The following SETX variants were observed in gnomAD, a reference collection of about 807,000 sequenced individuals.
SETX encodes the protein helicase senataxin.
SETX carries 90 observed loss-of-function variants against 227.2 expected under a neutral mutation model. That is an observed-to-expected ratio of 0.40 (90% CI 0.33 to 0.47). SETX has a LOEUF of 0.47. Among genes scored for constraint, SETX ranks in the 20% least tolerant of loss-of-function variants. The pLI is 0.91. For missense variants in SETX, 3,052 were observed against 3,181.5 expected, an observed-to-expected ratio of 0.96 and a Z score of 0.98; for synonymous variants, 1,210 against 1,113.2, an observed-to-expected ratio of 1.09 and a Z score of -1.73.
intron 5 of SETX, among the ~76,000 whole-genome samples, chr9:132,341,625 A>G (rs1847970772): frequency 6.6e-6 from 1 of 152,210 alleles, no homozygotes; most frequent in South Asian, 2.1e-4. Flanking sequence ...CACTGGTTAC[A>G]AGACCAGACC....
chr9:132,314,161 C>T (rs1033936629), intron 10 of SETX, among the ~76,000 whole-genome samples: 2 of 152,084 alleles, frequency 1.3e-5, no homozygotes, highest in African/African-American at 4.8e-5. Flanking sequence ...GGTGCGATCT[C>T]GGCTCACCAC....
intron 10 of SETX, 98 bp from the exon 11 acceptor site, chr9:132,311,954 G>T: frequency 1.0e-6 from 1 of 967,194 alleles, no homozygotes; most frequent in Non-Finnish European, 1.6e-6. Context: ...AAATCCAGAA[G>T]CTAGAATCTA....
chr9:132,335,234 CA>C (rs1310251393), intron 6 of SETX, among the ~76,000 whole-genome samples: 288 of 150,954 alleles, frequency 1.9e-3, no homozygotes, highest in South Asian at 4.4e-3. Flanking sequence ...ACTAAAAATA[CA>C]AAAAAATTAG....
Position 132,328,793 on chromosome 9 carries a change from A to G in SETX, c.2805T>C (p.Tyr935=). 2 of 1,611,182 alleles carry G rather than the reference A, an allele frequency of 1.2e-6. No individual in the cohort carries two copies. The highest frequency in any genetic ancestry group is 1.7e-6 in the Non-Finnish European group (2 of 1,178,876). ...GGGCCTGTTCTCTTGTCAAGTTAGA[A>G]TAAATCACACTGGTACTATTACTCA... ...EEMSNSTSVI[Y]SNLTREQAPD... Residue 935 remains tyrosine, a synonymous_variant, in exon 10 of 26, where the codon TAT becomes TAC. Coordinates refer to ENST00000224140, the MANE Select transcript of SETX (RefSeq NM_015046.7).
intron 2 of SETX, among the ~76,000 whole-genome samples, chr9:132,349,959 G>A (rs1444174568): frequency 6.6e-6 from 1 of 152,140 alleles, no homozygotes; most frequent in Non-Finnish European, 1.5e-5. Context: ...TACATAAAGA[G>A]AGACACAATA....
chr9:132,331,245 G>C, intron 8 of SETX, 32 bp downstream of exon 8: 1 of 1,612,634 alleles, frequency 6.2e-7, no homozygotes, highest in African/African-American at 1.3e-5. Flanking sequence ...TTATAGAGAT[G>C]ATGTTTAAAT....
intron 18 of SETX, among the ~76,000 whole-genome samples, chr9:132,285,314 A>ATTT (rs1564488310): frequency 6.6e-6 from 1 of 152,262 alleles, no homozygotes; most frequent in Admixed American, 6.5e-5. Flanking sequence ...GATAACTTAT[A>ATTT]ACCACCTCTT....
At position 132,264,194 on chromosome 9, in the gene SETX, A is replaced by C; in HGVS notation, c.*45T>G. On this transcript the variant is annotated 3_prime_UTR_variant, in exon 26 of 26. Transcript: ENST00000224140. Reference sequence around the variant, plus strand: ...ATGGTCCCACGAGCTGGTCATCTTCAGTTTACAATATGCTGTGGCTGCTGG... The same window carrying C: ...ATGGTCCCACGAGCTGGTCATCTTCCGTTTACAATATGCTGTGGCTGCTGG... 6.2e-7 allele frequency: 1 copy of C among 1,612,404 alleles called. No individual in the cohort carries two copies. Among genetic ancestry groups the C allele is most frequent in the Non-Finnish European group, 8.5e-7 (1 of 1,179,960 alleles).
chr9:132,346,301 T>C lies in SETX; in HGVS notation c.348A>G (p.Glu116=). 6.2e-7 allele frequency: 1 copy of C among 1,614,076 alleles called. No individual in the cohort carries two copies. The highest frequency in any genetic ancestry group is 8.5e-7 in the Non-Finnish European group (1 of 1,179,988). ...GAAGCAAGTAAGGATATTTCAGTAT[T>C]TCAAGAAGAGGAACTCGAAGCTTAT... ...FENKLRVPLL[E]ILKYPYLLLH... Residue 116 remains glutamate (E), a synonymous_variant, in exon 4 of 26, where the codon GAA becomes GAG. Coordinates refer to ENST00000224140, the MANE Select transcript of SETX (RefSeq NM_015046.7).
chr9:132,349,313 T>C lies in SETX; in HGVS notation c.116A>G (p.Tyr39Cys). 1.9e-6 allele frequency: 3 copies of C among 1,614,094 alleles called. No individual in the cohort carries two copies. The highest frequency in any genetic ancestry group is 1.7e-6 in the Non-Finnish European group (2 of 1,180,020). ...GTACTCAGCCACACACTCCAAGCAG[T>C]AGCAGAGGTCTTCGTCGGCTGTTTG... The part of the protein sequence containing the change: ...EFQTADEDLC[Y>C]CLECVAEYHK... The change falls in exon 3 of 26, where the codon TAC (tyrosine) becomes TGC (cysteine). Residue 39 changes from tyrosine (Y) to cysteine (C), a missense_variant. This residue lies in a region of SETX where 152 missense variants were observed against 156.2 expected (regional missense o/e 0.97). Transcript: ENST00000224140.
chr9:132,286,399 A>T, intron 18 of SETX, 24 bp downstream of exon 18: 1 of 1,552,040 alleles, frequency 6.4e-7, no homozygotes, highest in Non-Finnish European at 8.8e-7. Flanking sequence ...AAAATCAAGA[A>T]AATGCTACAG....
In SETX at chr9:132,296,042, C is replaced by A. The variant is rs375632375; in HGVS notation, c.5950-14G>T. 1 of 1,614,044 alleles carries A rather than the reference C, an allele frequency of 6.2e-7. No individual in the cohort carries two copies. Among genetic ancestry groups the A allele is most frequent in the Non-Finnish European group, 8.5e-7 (1 of 1,180,034 alleles). On this transcript the variant is annotated splice_polypyrimidine_tract_variant and intron_variant, in intron 14 of 25. Transcript: ENST00000224140. ...CTTCCTCTGGTTCTACAATTTGCCA[C>A]ATATACATACCAAACAAACACACAA...
chr9:132,319,580 T>C (rs949809733), intron 10 of SETX, among the ~76,000 whole-genome samples: 1 of 152,214 alleles, frequency 6.6e-6, no homozygotes, highest in African/African-American at 2.4e-5. Flanking sequence ...TCCCATCTCA[T>C]GGCATTACAT....
At chr9:132,278,732 G>A (rs751286619) in intron 20 of SETX, among the ~76,000 whole-genome samples, 17 of 151,940 alleles carry the variant, frequency 1.1e-4, no homozygotes, top group Non-Finnish European at 2.2e-4. Context: ...GCTACAAGAC[G>A]CCACCCAAAA....
intron 25 of SETX, among the ~76,000 whole-genome samples, chr9:132,265,257 C>CACT (rs1842587872): frequency 7.7e-6 from 1 of 129,630 alleles, no homozygotes; most frequent in Admixed American, 8.3e-5. Context: ...GACAGAGACT[C>CACT]ACTCTGTTGC....
At chr9:132,354,530 A>C (rs1197719450) in intron 1 of SETX, among the ~76,000 whole-genome samples, 2 of 151,554 alleles carry the variant, frequency 1.3e-5, no homozygotes, top group African/African-American at 4.8e-5. Flanking sequence ...AAAAAAAAAC[A>C]AAGGGAGGGA....
chr9:132,347,875 TA>T (rs1848379339), intron 3 of SETX, among the ~76,000 whole-genome samples: 1 of 152,096 alleles, frequency 6.6e-6, no homozygotes, highest in African/African-American at 2.4e-5. Flanking sequence ...CTCTCCTCTA[TA>T]TACTGTATAT....
At position 132,312,147 on chromosome 9, in the gene SETX, C is replaced by T. The variant is rs77241663; in HGVS notation, c.5275-291G>A. On this transcript the variant is annotated intron_variant, in intron 10 of 25. Transcript: ENST00000224140. ...GCTCAACAGCCACCTGTGGCTGCTC[C>T]GCTGTGGGCAGATGTGGAGCATTTC... is the stretch of plus-strand genomic sequence containing the variant. 8.3e-3 allele frequency among the ~76,000 whole-genome samples: 1,265 copies of T among 152,290 alleles called. 8 individuals carry two copies. Among genetic ancestry groups the T allele is most frequent in the Middle Eastern group, 0.017 (5 of 294 alleles).
In SETX at chr9:132,346,379, T is replaced by C. The variant is rs779031883; in HGVS notation, c.270A>G (p.Val90=). The C allele has an allele frequency of 4.3e-6, 7 of 1,613,710 alleles. No individual in the cohort carries two copies. Among genetic ancestry groups the C allele is most frequent in the Non-Finnish European group, 5.9e-6 (7 of 1,179,640 alleles). ...EIGDDDELYI[V]DNNGEMPLFD... ...ACAGTGGCATCTCTCCATTATTGTCTACTATATATAACTCATCATCATCTC... is the reference window on the plus strand; with the variant it reads ...ACAGTGGCATCTCTCCATTATTGTCCACTATATATAACTCATCATCATCTC... The change falls in exon 4 of 26, where the codon GTA becomes GTG. Residue 90 remains valine (V), a synonymous_variant. Transcript: ENST00000224140.
Sources: gnomAD v4.1 joint callset for allele counts (sites outside exome capture counted in the v4.1 genomes callset) on GRCh38, gnomAD v4.1.1 for gene constraint, gnomAD v4.1.1 regional missense constraint, MANE v1.5 for transcripts, NCBI Gene and HGNC (gene_info 2026-07-23, HGNC 2026-07-21) for gene names.